Variants in CDKAL1 observed in about 807,000 individuals in gnomAD.
CDKAL1 encodes the protein CDKAL1 threonylcarbamoyladenosine tRNA methylthiotransferase.
CDKAL1 carries 32 observed loss-of-function variants against 68.2 expected under a neutral mutation model. The ratio of observed to expected loss-of-function variants is 0.47; its 90% CI spans 0.35 to 0.63. The LOEUF is 0.63. CDKAL1 is among the 30% of genes least tolerant of loss of function. The pLI, the probability that CDKAL1 is intolerant of heterozygous loss-of-function variation, is 0.00. For missense variants in CDKAL1, 606 were observed against 696.7 expected, an observed-to-expected ratio of 0.87 and a Z score of 1.47; for synonymous variants, 234 against 244.3, an observed-to-expected ratio of 0.96 and a Z score of 0.39.
At chr6:21,108,280 T>TAA (rs77019216) in intron 12 of CDKAL1, 121 bp from the exon 13 acceptor site, 5,737 of 453,196 alleles carry the variant, frequency 0.013, no homozygotes, top group Non-Finnish European at 0.016. Context: ...AAGAATCTCT[T>TAA]AAAAAAAAAA....
At chr6:21,021,782 C>T (rs1404666973) in intron 11 of CDKAL1, among the ~76,000 whole-genome samples, 2 of 152,178 alleles carry the variant, frequency 1.3e-5, no homozygotes, top group Non-Finnish European at 2.9e-5. Context: ...GGTAGCACCC[C>T]ACACACTAAT....
intron 11 of CDKAL1, among the ~76,000 whole-genome samples, chr6:21,048,638 T>TA (rs1164125169): frequency 6.6e-6 from 1 of 152,174 alleles, no homozygotes; most frequent in Admixed American, 6.5e-5. Flanking sequence ...TGGTAACACT[T>TA]CCATTAAAAG....
intron 4 of CDKAL1, among the ~76,000 whole-genome samples, chr6:20,613,273 TTTTTTTTTTTTTTTTTTTTG>T (rs1313951836): frequency 9.2e-5 from 9 of 98,220 alleles, no homozygotes; most frequent in African/African-American, 3.6e-4. Flanking sequence ...TTTTTTTTTT[TTTTTTTTTTTTTTTTTTTTG>T]AGACGGAGTC....
At chr6:20,849,018 C>G (rs1361894022) in intron 9 of CDKAL1, among the ~76,000 whole-genome samples, 3 of 151,900 alleles carry the variant, frequency 2.0e-5, no homozygotes, top group Admixed American at 6.5e-5. Flanking sequence ...GTCTCGAACT[C>G]CTGGCCTCAA....
At chr6:21,081,812 A>G (rs1772422217) in intron 12 of CDKAL1, among the ~76,000 whole-genome samples, 1 of 151,888 alleles carries the variant, frequency 6.6e-6, no homozygotes, top group Admixed American at 6.6e-5. Flanking sequence ...TCCTGACCTC[A>G]TGTAATCCAC....
At chr6:20,836,790 C>T (rs1210261250) in intron 8 of CDKAL1, among the ~76,000 whole-genome samples, 1 of 152,090 alleles carries the variant, frequency 6.6e-6, no homozygotes, top group Non-Finnish European at 1.5e-5. Context: ...GATAGGGATT[C>T]TATCCATCAG....
chr6:21,172,963 T>G (rs1328937053), intron 13 of CDKAL1, among the ~76,000 whole-genome samples: 1 of 151,968 alleles, frequency 6.6e-6, no homozygotes, highest in Admixed American at 6.5e-5. Flanking sequence ...GTATGTAATA[T>G]TCTCCTGGTT....
At chr6:21,021,263 G>GT (rs577332297) in intron 11 of CDKAL1, among the ~76,000 whole-genome samples, 13 of 151,722 alleles carry the variant, frequency 8.6e-5, no homozygotes, top group Admixed American at 4.6e-4. Context: ...TTTCTTTAAG[G>GT]TTTTTTTTGA....
At chr6:20,604,809 CTT>C (rs1491560500) in intron 4 of CDKAL1, among the ~76,000 whole-genome samples, 1 of 152,232 alleles carries the variant, frequency 6.6e-6, no homozygotes, top group Non-Finnish European at 1.5e-5. Flanking sequence ...TGTGCTGTCT[CTT>C]TGACTCTGGG....
At chr6:20,838,792 G>T (rs1402206090) in intron 8 of CDKAL1, among the ~76,000 whole-genome samples, 1 of 152,032 alleles carries the variant, frequency 6.6e-6, no homozygotes. Flanking sequence ...GGCTAACACG[G>T]TGAAACCCCG....
At chr6:20,603,740 T>C (rs1411266407) in intron 4 of CDKAL1, among the ~76,000 whole-genome samples, 1 of 150,988 alleles carries the variant, frequency 6.6e-6, no homozygotes, top group Non-Finnish European at 1.5e-5. Context: ...GGGACAAAGA[T>C]CTACATTGAT....
At chr6:20,971,839 T>G (rs1765618594) in intron 10 of CDKAL1, among the ~76,000 whole-genome samples, 1 of 152,236 alleles carries the variant, frequency 6.6e-6, no homozygotes, top group Non-Finnish European at 1.5e-5. Flanking sequence ...ATTTTAAATT[T>G]TCCACTTGCT....
intron 15 of CDKAL1, among the ~76,000 whole-genome samples, chr6:21,207,488 C>T (rs1778984994): frequency 6.6e-6 from 1 of 152,028 alleles, no homozygotes. Flanking sequence ...GCAGCCCAGC[C>T]TGGGTGAAAG....
chr6:20,807,319 G>T (rs529933294), intron 8 of CDKAL1, among the ~76,000 whole-genome samples: 1 of 152,238 alleles, frequency 6.6e-6, no homozygotes, highest in Non-Finnish European at 1.5e-5. Flanking sequence ...CACCTTCTGG[G>T]TTCAAGCGAT....
intron 9 of CDKAL1, among the ~76,000 whole-genome samples, chr6:20,925,542 A>G (rs1763148289): frequency 6.6e-6 from 1 of 152,190 alleles, no homozygotes; most frequent in Non-Finnish European, 1.5e-5. Flanking sequence ...ATTAAGGTGA[A>G]CTTATTTTAC....
At chr6:20,634,996 A>AAAG (rs1767839690) in intron 4 of CDKAL1, among the ~76,000 whole-genome samples, 1 of 151,540 alleles carries the variant, frequency 6.6e-6, no homozygotes, top group African/African-American at 2.4e-5. Context: ...AAAAAAAAAA[A>AAAG]AAGAAGAAAG....
At chr6:21,108,695 C>G (rs1773974195) in intron 13 of CDKAL1, among the ~76,000 whole-genome samples, 2 of 152,030 alleles carry the variant, frequency 1.3e-5, no homozygotes, top group African/African-American at 4.8e-5. Context: ...GCACTGAAAT[C>G]TCAAAGACAG....
At chr6:20,675,244 A>C (rs2127785209) in intron 5 of CDKAL1, among the ~76,000 whole-genome samples, 1 of 151,988 alleles carries the variant, frequency 6.6e-6, no homozygotes, top group African/African-American at 2.4e-5. Context: ...CATTTTCAGC[A>C]CTCTGGAACA....
chr6:20,715,444 C>G (rs1449821989), intron 5 of CDKAL1, among the ~76,000 whole-genome samples: 3 of 152,162 alleles, frequency 2.0e-5, no homozygotes, highest in Non-Finnish European at 4.4e-5. Flanking sequence ...TTTACTCTAT[C>G]CATTTGTCTG....
Sources: allele counts gnomAD v4.1 joint callset (sites outside exome capture counted in the v4.1 genomes callset), GRCh38; gene constraint gnomAD v4.1.1; transcripts MANE v1.5; gene names NCBI Gene and HGNC (gene_info 2026-07-23, HGNC 2026-07-21).